Variants in CDH12 observed in about 807,000 individuals in gnomAD.
CDH12 encodes the protein cadherin-12.
CDH12 carries 41 observed loss-of-function variants against 74.1 expected under a neutral mutation model. That is an observed-to-expected ratio of 0.55 (90% confidence interval 0.43 to 0.72). The LOEUF (loss-of-function observed/expected upper bound fraction) is 0.72. Among genes scored for constraint, CDH12 ranks in the 30% least tolerant of loss-of-function variants. The pLI is 0.00. For synonymous variants in CDH12, 399 were observed against 355.0 expected (o/e 1.12, Z -1.39); for missense variants, 945 against 977.2 (o/e 0.97, Z 0.44).
At chr5:22,759,126 A>G (rs1746077087) in intron 1 of CDH12, among the ~76,000 whole-genome samples, 1 of 152,168 alleles carries the variant, frequency 6.6e-6, no homozygotes, top group Non-Finnish European at 1.5e-5. Flanking sequence ...AACTGGAATC[A>G]GAACTGGCAA....
intron 1 of CDH12, among the ~76,000 whole-genome samples, chr5:22,788,689 A>G (rs1009584619): frequency 6.7e-6 from 1 of 148,556 alleles, no homozygotes; most frequent in African/African-American, 2.4e-5. Flanking sequence ...ATAACATTTA[A>G]TTATGAAACT....
intron 6 of CDH12, 33 bp from the exon 7 acceptor site, chr5:21,854,823 T>C: frequency 6.3e-7 from 1 of 1,592,430 alleles, no homozygotes. Context: ...TCTAGCATTT[T>C]TGTTTTACTA....
At chr5:21,991,736 T>A (rs2913178) in intron 5 of CDH12, among the ~76,000 whole-genome samples, 2 of 151,354 alleles carry the variant, frequency 1.3e-5, no homozygotes, top group South Asian at 2.1e-4. Context: ...CCGAAGTCTT[T>A]TATTTCCTTT....
At chr5:21,760,925 A>C (rs904017855) in intron 12 of CDH12, among the ~76,000 whole-genome samples, 2 of 152,188 alleles carry the variant, frequency 1.3e-5, no homozygotes, top group Non-Finnish European at 2.9e-5. Context: ...AAAGGTAACC[A>C]GCATTAAAAA....
At position 22,820,560 on chromosome 5, in the gene CDH12, C is replaced by T. The variant is rs189110233; in HGVS notation, c.-523+32498G>A. Among the ~76,000 whole-genome samples, 60 of 152,070 alleles carry T rather than the reference C, an allele frequency of 3.9e-4. No homozygotes were observed. The East Asian group carries it at 6.0e-3, about 15-fold the overall frequency. On this transcript the variant is annotated intron_variant, in intron 1 of 14. Transcript: ENST00000382254. ...AAAATGATAAAGGGGATATCACCACCGATCCCACAGAAATACAAACTACCA... is the reference window on the plus strand; with the variant it reads ...AAAATGATAAAGGGGATATCACCACTGATCCCACAGAAATACAAACTACCA...
intron 2 of CDH12, among the ~76,000 whole-genome samples, chr5:22,423,169 C>T (rs1400046526): frequency 1.4e-5 from 2 of 144,792 alleles, no homozygotes; most frequent in Admixed American, 7.2e-5. Context: ...TTTTACACAC[C>T]ATTGTTTTTC....
At chr5:22,005,646 G>A (rs1736905209) in intron 5 of CDH12, among the ~76,000 whole-genome samples, 1 of 150,510 alleles carries the variant, frequency 6.6e-6, no homozygotes, top group Non-Finnish European at 1.5e-5. Flanking sequence ...GATATTTATT[G>A]TTTCTTTATC....
Position 22,322,065 on chromosome 5 carries a change from C to T in CDH12, c.-333+83192G>A, listed in dbSNP as rs569946908. ...CCTCAGAATATCATTTTAATGAGTG[C>T]GACTTTCCTGACTGTAACCACACAT... On this transcript the variant is annotated intron_variant, in intron 3 of 14. Transcript: ENST00000382254. 2.6e-5 allele frequency among the ~76,000 whole-genome samples: 4 copies of T among 152,194 alleles called. No individual in the cohort carries two copies. In the East Asian group the frequency reaches 7.7e-4, roughly 29 times the overall value.
chr5:22,444,123 C>T (rs1744729384), intron 2 of CDH12, among the ~76,000 whole-genome samples: 1 of 151,918 alleles, frequency 6.6e-6, no homozygotes. Flanking sequence ...AATTACACAA[C>T]TTGAAAAGAA....
chr5:22,736,509 A>T (rs1048900730), intron 1 of CDH12, among the ~76,000 whole-genome samples: 12 of 151,796 alleles, frequency 7.9e-5, no homozygotes, highest in Non-Finnish European at 1.2e-4. Flanking sequence ...ATATGCACAC[A>T]CATCTGTGAT....
At chr5:21,879,444 T>C (rs1247825069) in intron 6 of CDH12, among the ~76,000 whole-genome samples, 2 of 151,248 alleles carry the variant, frequency 1.3e-5, no homozygotes. Flanking sequence ...ACGTTTTTGT[T>C]ACTTATGGCA....
chr5:21,991,007 A>T (rs948371426), intron 5 of CDH12, among the ~76,000 whole-genome samples: 2 of 151,722 alleles, frequency 1.3e-5, no homozygotes, highest in African/African-American at 2.4e-5. Flanking sequence ...CAGAGAATTG[A>T]ATTAGCAATA....
intron 1 of CDH12, among the ~76,000 whole-genome samples, chr5:22,678,047 G>GGC (rs1463689154): frequency 3.0e-4 from 33 of 109,898 alleles, no homozygotes; most frequent in Admixed American, 2.1e-3. Flanking sequence ...ATCCTCATGG[G>GGC]GGGGGGGGTT....
intron 11 of CDH12, among the ~76,000 whole-genome samples, chr5:21,771,616 C>G (rs1002581151): frequency 7.9e-5 from 12 of 151,992 alleles, no homozygotes; most frequent in Non-Finnish European, 5.9e-5. Flanking sequence ...GACCAAGGCT[C>G]TTATTATATA....
intron 3 of CDH12, among the ~76,000 whole-genome samples, chr5:22,307,873 G>GCTT (rs1554030097): frequency 7.3e-5 from 5 of 68,658 alleles, no homozygotes; most frequent in Admixed American, 2.8e-4. Flanking sequence ...CTTTCTTTTA[G>GCTT]TTTTTTTTTT....
In CDH12 at chr5:22,781,981, T is replaced by C. The variant is rs538859192; in HGVS notation, c.-523+71077A>G. Among the ~76,000 whole-genome samples, 13 of 152,214 alleles carry C rather than the reference T, an allele frequency of 8.5e-5. No individual in the cohort carries two copies. In the South Asian group the frequency reaches 2.7e-3, roughly 32 times the overall value. On this transcript the variant is annotated intron_variant, in intron 1 of 14. Transcript: ENST00000382254. ...CAGCTTACATGGGGACTGTGGCCCC[T>C]TTGTTTGGCCAATTTCTCCCATTTG...
At chr5:22,388,246 A>G (rs1742085415) in intron 3 of CDH12, among the ~76,000 whole-genome samples, 1 of 152,136 alleles carries the variant, frequency 6.6e-6, no homozygotes, top group African/African-American at 2.4e-5. Context: ...GAACTACACT[A>G]CAGTATTAGA....
intron 3 of CDH12, among the ~76,000 whole-genome samples, chr5:22,290,201 C>T (rs955848161): frequency 1.3e-5 from 2 of 151,868 alleles, no homozygotes; most frequent in African/African-American, 2.4e-5. Flanking sequence ...TTCAAATGTG[C>T]AGACATCTAC....
At chr5:22,004,971 C>T (rs942570986) in intron 5 of CDH12, among the ~76,000 whole-genome samples, 11 of 152,202 alleles carry the variant, frequency 7.2e-5, no homozygotes, top group South Asian at 2.1e-4. Flanking sequence ...GCAAAACACA[C>T]GATTTTATTC....
Sources: gnomAD v4.1 joint callset for allele counts (sites outside exome capture counted in the v4.1 genomes callset) on GRCh38, gnomAD v4.1.1 for gene constraint, MANE v1.5 for transcripts, NCBI Gene and HGNC (gene_info 2026-07-23, HGNC 2026-07-21) for gene names.